SLC24A3: variants seen among roughly 807,000 people sequenced by gnomAD.
SLC24A3 encodes the protein sodium/potassium/calcium exchanger 3.
A neutral mutation model predicts 75.8 loss-of-function variants in SLC24A3; 28 were observed. The ratio of observed to expected loss-of-function variants is 0.37; its 90% CI spans 0.27 to 0.51. The LOEUF is 0.51. Ranked by LOEUF, SLC24A3 falls within the 20% of genes least tolerant of loss-of-function variation. The pLI is 0.94. For missense variants in SLC24A3, 663 were observed against 847.8 expected (o/e 0.78, Z 2.71); for synonymous variants, 372 against 334.1 (o/e 1.11, Z -1.24).
intron 1 of SLC24A3, among the ~76,000 whole-genome samples, chr20:19,235,955 A>G (rs1300583828): frequency 1.3e-5 from 2 of 152,236 alleles, no homozygotes; most frequent in African/African-American, 4.8e-5. Flanking sequence ...TGACAAACCC[A>G]ATAAAGAAAT....
intron 1 of SLC24A3, among the ~76,000 whole-genome samples, chr20:19,237,736 G>A (rs1427296661): frequency 6.6e-6 from 1 of 152,188 alleles, no homozygotes; most frequent in Non-Finnish European, 1.5e-5. Context: ...GTGAGAGGGA[G>A]ATTGAGCAGG....
intron 2 of SLC24A3, among the ~76,000 whole-genome samples, chr20:19,473,803 G>A (rs797012578): frequency 6.6e-5 from 10 of 152,306 alleles, no homozygotes; most frequent in South Asian, 2.1e-4. Context: ...AGGTGAGATC[G>A]GGCTGGCCCA....
chr20:19,258,098 T>C (rs1354483496), intron 1 of SLC24A3, among the ~76,000 whole-genome samples: 5 of 152,258 alleles, frequency 3.3e-5, no homozygotes, highest in Non-Finnish European at 7.3e-5. Flanking sequence ...CTGTTTGGAA[T>C]GCCGTTCCTA....
chr20:19,527,660 C>T (rs762319395), intron 3 of SLC24A3, among the ~76,000 whole-genome samples: 1 of 152,180 alleles, frequency 6.6e-6, no homozygotes, highest in South Asian at 2.1e-4. Flanking sequence ...ATAGCTTGGG[C>T]ATTGCAAAGA....
intron 3 of SLC24A3, among the ~76,000 whole-genome samples, chr20:19,543,289 T>C (rs531626541): frequency 3.4e-4 from 52 of 152,298 alleles, no homozygotes; most frequent in African/African-American, 1.2e-3. Context: ...CCCCTGGAGA[T>C]GAGCCTATGG....
Position 19,650,627 on chromosome 20 carries a change from G to A in SLC24A3, c.613-3435G>A, listed in dbSNP as rs188907793. Among the ~76,000 whole-genome samples the A allele has an allele frequency of 3.3e-5, 5 of 152,200 alleles. No individual in the cohort carries two copies. In the East Asian group the frequency reaches 5.8e-4, roughly 18 times the overall value. On this transcript the variant is annotated intron_variant, in intron 6 of 16. Transcript: ENST00000328041. ...CACAGTATAGAAGAGGAGGGTTTAC[G>A]TCTCTTTTAGCCCCCCCTTCTCACT... is the stretch of plus-strand genomic sequence containing the variant.
intron 2 of SLC24A3, among the ~76,000 whole-genome samples, chr20:19,514,177 G>A (rs1161907525): frequency 6.6e-6 from 1 of 152,232 alleles, no homozygotes; most frequent in Non-Finnish European, 1.5e-5. Flanking sequence ...CTCCGGGCAA[G>A]CCAGGGGTCC....
chr20:19,526,520 G>A (rs3790240), intron 3 of SLC24A3, among the ~76,000 whole-genome samples: 20,953 of 152,090 alleles, frequency 0.14, 1,587 homozygotes, highest in Middle Eastern at 0.18. Flanking sequence ...CCAGAAAGTG[G>A]CCATCTAATT....
intron 2 of SLC24A3, among the ~76,000 whole-genome samples, chr20:19,350,319 G>T (rs927433025): frequency 2.6e-5 from 4 of 152,190 alleles, no homozygotes; most frequent in East Asian, 3.9e-4. Context: ...ATTTCTGTCT[G>T]AGTTTGCTCC....
intron 1 of SLC24A3, among the ~76,000 whole-genome samples, chr20:19,220,074 A>G (rs963546685): frequency 2.6e-5 from 4 of 152,248 alleles, no homozygotes; most frequent in African/African-American, 4.8e-5. Flanking sequence ...TCCATGGACC[A>G]TGGAGCATGT....
At chr20:19,494,618 A>T (rs1988255527) in intron 2 of SLC24A3, among the ~76,000 whole-genome samples, 1 of 152,036 alleles carries the variant, frequency 6.6e-6, no homozygotes, top group African/African-American at 2.4e-5. Flanking sequence ...TCTAATTCAA[A>T]TTTGGTTATG....
chr20:19,491,487 C>A (rs902208203), intron 2 of SLC24A3, among the ~76,000 whole-genome samples: 3 of 152,170 alleles, frequency 2.0e-5, no homozygotes, highest in Admixed American at 1.3e-4. Flanking sequence ...AATGACCAAC[C>A]CTTGTCCTCG....
intron 6 of SLC24A3, among the ~76,000 whole-genome samples, chr20:19,643,689 C>T (rs886316676): frequency 3.9e-5 from 6 of 152,186 alleles, no homozygotes; most frequent in African/African-American, 1.4e-4. Flanking sequence ...AACTCAGATG[C>T]ATAGTCTTAA....
Position 19,580,059 on chromosome 20 carries a change from G to A in SLC24A3, c.408G>A (p.Leu136=). Residue 136 remains leucine (L), a synonymous_variant, in exon 4 of 17, where the codon TTG becomes TTA. Transcript: ENST00000328041. ...IVCDDFFVPS[L]EKICERLHLS... is the part of the protein sequence containing the mutation. Reference sequence around the variant, plus strand: ...GTGATGACTTCTTCGTCCCTTCCTTGGAAAAGATCTGTGAGGTACGTGCCT... The same window carrying A: ...GTGATGACTTCTTCGTCCCTTCCTTAGAAAAGATCTGTGAGGTACGTGCCT... 4.3e-6 allele frequency: 7 copies of A among 1,613,728 alleles called. No homozygotes were observed. Among genetic ancestry groups the A allele is most frequent in the Non-Finnish European group, 5.9e-6 (7 of 1,179,754 alleles).
At chr20:19,525,698 C>T (rs1388222455) in intron 3 of SLC24A3, among the ~76,000 whole-genome samples, 1 of 152,064 alleles carries the variant, frequency 6.6e-6, no homozygotes, top group African/African-American at 2.4e-5. Context: ...GGAGAGTGGC[C>T]GAGGACGAGG....
chr20:19,219,689 A>G (rs908095923), intron 1 of SLC24A3, among the ~76,000 whole-genome samples: 9 of 152,206 alleles, frequency 5.9e-5, no homozygotes. Context: ...TTACAAGAAA[A>G]CAATTGCAGA....
At chr20:19,484,618 G>A (rs935276435) in intron 2 of SLC24A3, among the ~76,000 whole-genome samples, 6 of 152,082 alleles carry the variant, frequency 3.9e-5, no homozygotes, top group African/African-American at 9.7e-5. Context: ...GAGTCCACTT[G>A]GGTGAAGTCT....
chr20:19,437,132 G>A (rs1987218601), intron 2 of SLC24A3, among the ~76,000 whole-genome samples: 1 of 152,184 alleles, frequency 6.6e-6, no homozygotes, highest in African/African-American at 2.4e-5. Flanking sequence ...GGGGGAGAGA[G>A]GATACATAAG....
intron 6 of SLC24A3, among the ~76,000 whole-genome samples, chr20:19,609,713 A>G (rs2031645891): frequency 6.6e-6 from 1 of 152,200 alleles, no homozygotes; most frequent in Non-Finnish European, 1.5e-5. Context: ...TTCTTTACTT[A>G]TGCAACTTAT....
Sources: allele counts gnomAD v4.1 joint callset (sites outside exome capture counted in the v4.1 genomes callset), GRCh38; gene constraint gnomAD v4.1.1; transcripts MANE v1.5; gene names NCBI Gene and HGNC (gene_info 2026-07-23, HGNC 2026-07-21).